CFAP44: variants seen among roughly 807,000 people sequenced by gnomAD.
CFAP44 encodes cilia and flagella associated protein 44, also known as cilia- and flagella-associated protein 44.
A neutral mutation model predicts 216.2 loss-of-function variants in CFAP44; 134 were observed. The ratio of observed to expected loss-of-function variants is 0.62; its 90% CI spans 0.54 to 0.72. The LOEUF (loss-of-function observed/expected upper bound fraction) is 0.72. Among genes scored for constraint, CFAP44 ranks in the 30% least tolerant of loss-of-function variants. CFAP44 has a pLI of 0.00. For missense variants in CFAP44, 2,035 were observed against 2,182.1 expected, an observed-to-expected ratio of 0.93 and a Z score of 1.34; for synonymous variants, 700 against 727.6, an observed-to-expected ratio of 0.96 and a Z score of 0.61.
chr3:113,397,947 A>C (rs1294184215), intron 13 of CFAP44, among the ~76,000 whole-genome samples: 1 of 152,182 alleles, frequency 6.6e-6, no homozygotes, highest in Non-Finnish European at 1.5e-5. Flanking sequence ...TTAGAGGAAA[A>C]GTCTCAGCTA....
At chr3:113,304,226 G>T in intron 31 of CFAP44, 109 bp from the exon 32 acceptor site, 3 of 1,144,850 alleles carry the variant, frequency 2.6e-6, no homozygotes, top group Non-Finnish European at 3.6e-6. Context: ...TTAGCTCCTT[G>T]CCTTTGGGCT....
intron 22 of CFAP44, among the ~76,000 whole-genome samples, chr3:113,346,853 G>A (rs1360659274): frequency 6.6e-6 from 1 of 152,216 alleles, no homozygotes; most frequent in Non-Finnish European, 1.5e-5. Context: ...CTTCCATGCT[G>A]TGGAAGCTTT....
chr3:113,407,453 G>T (rs1374155891), intron 7 of CFAP44, among the ~76,000 whole-genome samples: 1 of 152,156 alleles, frequency 6.6e-6, no homozygotes, highest in African/African-American at 2.4e-5. Flanking sequence ...AGACAGCATA[G>T]AACATTCCCA....
rs1950232105 is a variant in CFAP44 at position 113,330,504 on chromosome 3, G to A, written c.3780C>T (p.His1260=). ...HIPIPKIPQI[H]PEEVPEKRFQ... The stretch of plus-strand genomic sequence containing the variant: ...ATCTCTTTTCTGGAACTTCTTCTGG[G>A]TGTATCTGAGGAATTTTGGGAATGG... Residue 1260 remains histidine, a synonymous_variant, in exon 26 of 35, where the codon CAC becomes CAT. Transcript: ENST00000393845. 1.3e-6 allele frequency: 2 copies of A among 1,537,016 alleles called. No individual in the cohort carries two copies. Among genetic ancestry groups the A allele is most frequent in the Non-Finnish European group, 8.7e-7 (1 of 1,146,868 alleles).
At chr3:113,426,858 C>A (rs144958590) in intron 3 of CFAP44, 2 of 263,164 alleles carry the variant, frequency 7.6e-6, no homozygotes, top group Non-Finnish European at 1.4e-5. Context: ...GAGTTCTGGT[C>A]GGTCATGGCG....
At chr3:113,348,247 T>C (rs1045214126) in intron 22 of CFAP44, among the ~76,000 whole-genome samples, 2 of 152,024 alleles carry the variant, frequency 1.3e-5, no homozygotes, top group South Asian at 4.2e-4. Context: ...TCCTTTCACA[T>C]GGGAAACACT....
At chr3:113,350,999 T>C (rs534020190) in intron 22 of CFAP44, among the ~76,000 whole-genome samples, 8 of 152,252 alleles carry the variant, frequency 5.3e-5, no homozygotes, top group Non-Finnish European at 7.4e-5. Context: ...TCCTGGGCGA[T>C]TGAGGGAAAA....
At position 113,430,771 on chromosome 3, in the gene CFAP44, T is replaced by C. The variant is rs769116246; in HGVS notation, c.100+2794A>G. ...CTTTACTGGTAAATTCTACCAAGCA[T>C]TTAAGGAAGAAATAATACCAATTCT... On this transcript the variant is annotated intron_variant, in intron 2 of 34. Transcript: ENST00000393845. Among the ~76,000 whole-genome samples, 68 of 152,156 alleles carry C rather than the reference T, an allele frequency of 4.5e-4. 1 individual carries two copies. The highest frequency in any genetic ancestry group is 2.1e-4 in the Non-Finnish European group (14 of 68,018).
chr3:113,440,129 T>A (rs1443058802), intron 1 of CFAP44, among the ~76,000 whole-genome samples: 1 of 152,170 alleles, frequency 6.6e-6, no homozygotes, highest in Non-Finnish European at 1.5e-5. Flanking sequence ...AGTGCTGCGA[T>A]CTCAGCTCAC....
At chr3:113,328,696 TAAAAAAAAA>T (rs58650082) in intron 26 of CFAP44, among the ~76,000 whole-genome samples, 17 of 28,570 alleles carry the variant, frequency 6.0e-4, no homozygotes, top group Middle Eastern at 0.026. Flanking sequence ...TTAGAGAGCT[TAAAAAAAAA>T]AAAAAAAAAA....
At chr3:113,304,435 GTCAGGT>G (rs377159479) in intron 31 of CFAP44, among the ~76,000 whole-genome samples, 4 of 152,160 alleles carry the variant, frequency 2.6e-5, no homozygotes, top group African/African-American at 9.7e-5. Context: ...TCCAGTTTGG[GTCAGGT>G]TACACAAAAC....
chr3:113,354,457 A>G (rs1251056072), intron 22 of CFAP44, among the ~76,000 whole-genome samples: 1 of 152,196 alleles, frequency 6.6e-6, no homozygotes, highest in Non-Finnish European at 1.5e-5. Flanking sequence ...AGGGTATGGT[A>G]GGAGTGAGAC....
In CFAP44 at chr3:113,341,895, C is replaced by T. The variant is rs1228855117; in HGVS notation, c.3286G>A (p.Glu1096Lys). The part of the protein sequence containing the change: ...DAGGSVTIQE[E>K]SIIEKGKKFR... ...TTCTTCCCTTTTTCTATTATTGATT[C>T]TTCTTGTATGGTAACACTCCCACCT... Residue 1096 changes from glutamate to lysine, a missense_variant, in exon 24 of 35, where the codon GAA (glutamate) becomes AAA (lysine). Transcript: ENST00000393845. The T allele has an allele frequency of 6.5e-7, 1 of 1,528,036 alleles. No homozygotes were observed. The highest frequency in any genetic ancestry group is 8.7e-7 in the Non-Finnish European group (1 of 1,144,610). 94.7% of individuals were successfully genotyped at this position (1,528,036 alleles called of 1,614,324 possible).
intron 9 of CFAP44, among the ~76,000 whole-genome samples, chr3:113,402,514 C>T (rs1052633119): frequency 8.5e-5 from 13 of 152,192 alleles, no homozygotes; most frequent in African/African-American, 2.4e-4. Flanking sequence ...GCAACATACC[C>T]TGCCATGTGA....
chr3:113,321,275 T>C (rs1362789758), intron 28 of CFAP44, among the ~76,000 whole-genome samples: 2 of 152,168 alleles, frequency 1.3e-5, no homozygotes, highest in East Asian at 3.8e-4. Flanking sequence ...AAAAACCATG[T>C]GATCATCGTA....
intron 3 of CFAP44, 94 bp from the exon 4 acceptor site, chr3:113,426,371 T>C: frequency 1.5e-6 from 2 of 1,340,954 alleles, no homozygotes; most frequent in Non-Finnish European, 2.0e-6. Flanking sequence ...AATCTCCACA[T>C]GTCATGGGAG....
At position 113,294,826 on chromosome 3, in the gene CFAP44, C is replaced by T; in HGVS notation, c.5239-5G>A. ...TCGCATTTGAGCAATCTTTTCCTAC[C>T]AGGGTGGGAAGATGCAAAATAGATG... On this transcript the variant is annotated splice_polypyrimidine_tract_variant and splice_region_variant and intron_variant, in intron 33 of 34. Coordinates refer to ENST00000393845, the MANE Select transcript of CFAP44 (RefSeq NM_001164496.2). 1 of 1,523,672 alleles carries T rather than the reference C, an allele frequency of 6.6e-7. No individual in the cohort carries two copies. Among genetic ancestry groups the T allele is most frequent in the Non-Finnish European group, 8.8e-7 (1 of 1,142,196 alleles). The allele number at this position is 1,523,672 out of a possible 1,614,324, so 94.4% of individuals were successfully genotyped here.
At chr3:113,320,817 T>C (rs1451999324) in intron 28 of CFAP44, among the ~76,000 whole-genome samples, 2 of 152,078 alleles carry the variant, frequency 1.3e-5, no homozygotes, top group Admixed American at 6.6e-5. Context: ...CTGCCAGCTT[T>C]ATATTCTAGC....
Position 113,296,754 on chromosome 3 carries a change from C to T in CFAP44, c.5209G>A (p.Ala1737Thr), listed in dbSNP as rs1022817426. Residue 1737 changes from alanine to threonine, a missense_variant, in exon 33 of 35, where the codon GCA becomes ACA. Physicochemically the swap from Ala to Thr is moderately conservative, Grantham distance 58. Coordinates refer to ENST00000393845, the MANE Select transcript of CFAP44 (RefSeq NM_001164496.2). Reference sequence around the variant, plus strand: ...CACATCTTCATCTCTTTCGCATTTGCTAGCTCCTTTCGAAGTTTTCTGATC... The same window carrying T: ...CACATCTTCATCTCTTTCGCATTTGTTAGCTCCTTTCGAAGTTTTCTGATC... ...LKIRKLRKELANAKEMKMWEE... is the reference protein window; with the variant it reads ...LKIRKLRKELTNAKEMKMWEE... The T allele has an allele frequency of 4.6e-6, 7 of 1,537,722 alleles. No homozygotes were observed. The East Asian group carries it at 7.3e-5, about 16-fold the overall frequency.
Sources: gnomAD v4.1 joint callset for allele counts (sites outside exome capture counted in the v4.1 genomes callset) on GRCh38, gnomAD v4.1.1 for gene constraint, MANE v1.5 for transcripts, NCBI Gene and HGNC (gene_info 2026-07-23, HGNC 2026-07-21) for gene names.